SOX13: variants seen among roughly 807,000 people sequenced by gnomAD.
The protein encoded by SOX13 is transcription factor SOX-13.
In SOX13, 28 loss-of-function variants were observed where a neutral mutation model predicts 71.8. The ratio of observed to expected loss-of-function variants is 0.39; its 90% confidence interval spans 0.29 to 0.53. SOX13 has a LOEUF of 0.53. Ranked by LOEUF, SOX13 falls within the 20% of genes least tolerant of loss-of-function variation. The probability of loss-of-function intolerance (pLI) is 0.70; values close to 1 mark genes in which losing one functional copy is unlikely to be tolerated. For missense variants in SOX13, 627 were observed against 810.3 expected (o/e 0.77, Z 2.75); for synonymous variants, 309 against 317.8 (o/e 0.97, Z 0.29).
chr1:204,125,048 T>C (rs1279769688), intron 13 of SOX13, among the ~76,000 whole-genome samples, 191 bp downstream of exon 13: 1 of 152,148 alleles, frequency 6.6e-6, no homozygotes, highest in Admixed American at 6.5e-5. Context: ...GCTATGTATG[T>C]GACTGTGGTG....
intron 7 of SOX13, among the ~76,000 whole-genome samples, chr1:204,120,942 C>T: frequency 6.7e-6 from 1 of 150,234 alleles, no homozygotes; most frequent in Admixed American, 6.6e-5. Context: ...ACCCATTTTT[C>T]TTCTTATTTT....
chr1:204,091,258 C>T (rs1290055767), intron 1 of SOX13, among the ~76,000 whole-genome samples: 1 of 152,174 alleles, frequency 6.6e-6, no homozygotes, highest in Admixed American at 6.5e-5. Context: ...TCCTCGTCTG[C>T]CCTGACCCAT....
At chr1:204,088,535 G>T (rs574979131) in intron 1 of SOX13, among the ~76,000 whole-genome samples, 1 of 152,246 alleles carries the variant, frequency 6.6e-6, no homozygotes, top group African/African-American at 2.4e-5. Flanking sequence ...TTTTACTCTT[G>T]TTCTTTCCAG....
Position 204,122,221 on chromosome 1 carries a change from G to C in SOX13, c.862-16G>C. On this transcript the variant is annotated splice_polypyrimidine_tract_variant and intron_variant, in intron 8 of 13. Transcript: ENST00000367204. ...TTTGGTGTCTGTCATCCTCTGACCTGCTGGGTCTCCCTCAGGAGCCCTCCC... is the reference window on the plus strand; with the variant it reads ...TTTGGTGTCTGTCATCCTCTGACCTCCTGGGTCTCCCTCAGGAGCCCTCCC... 6.4e-7 allele frequency: 1 copy of C among 1,556,574 alleles called. No individual in the cohort carries two copies. Among genetic ancestry groups the C allele is most frequent in the Non-Finnish European group, 8.7e-7 (1 of 1,151,286 alleles).
intron 1 of SOX13, among the ~76,000 whole-genome samples, chr1:204,102,169 C>T (rs1656372762): frequency 6.6e-6 from 1 of 152,188 alleles, no homozygotes; most frequent in Non-Finnish European, 1.5e-5. Flanking sequence ...CGATAATGCC[C>T]AGCCCACCCC....
chr1:204,097,704 AAAAAG>A (rs1040078228), intron 1 of SOX13, among the ~76,000 whole-genome samples: 5 of 151,584 alleles, frequency 3.3e-5, no homozygotes, highest in Admixed American at 6.6e-5. Context: ...AAAAAAAAAA[AAAAAG>A]AAAAGAAAAG....
chr1:204,105,088 T>C (rs1656437843), intron 1 of SOX13, among the ~76,000 whole-genome samples: 2 of 152,084 alleles, frequency 1.3e-5, no homozygotes, highest in East Asian at 3.9e-4. Context: ...GGCTTTGTCA[T>C]ATAAGCGCCA....
rs2102267291 is a variant in SOX13 at position 204,123,934 on chromosome 1, A to T, written c.1375+130A>T. The T allele has an allele frequency of 9.2e-7, 1 of 1,081,178 alleles. No homozygotes were observed. The highest frequency in any genetic ancestry group is 2.6e-5 in the East Asian group (1 of 38,550). The allele number at this position is 1,081,178 out of a possible 1,614,324, so 67.0% of individuals were successfully genotyped here. A position where few individuals can be genotyped will look rare whatever the true frequency, so the allele number is the denominator to read the frequency against. ...CAGTGGAATCTGACGACAGGGGTGC[A>T]GGAGTTGCTGGGGATGTGAGGGCAG... On this transcript the variant is annotated intron_variant, in intron 12 of 13. Transcript: ENST00000367204. This position sits in a 1 kb window ranked among gnomAD's most constrained non-coding sequence, Gnocchi z 5.0.
rs1373786146 is a variant in SOX13 at position 204,095,179 on chromosome 1, C to T, written c.-1-17736C>T. Among the ~76,000 whole-genome samples the T allele has an allele frequency of 2.0e-5, 3 of 152,250 alleles. 1 individual carries two copies. Among genetic ancestry groups the T allele is most frequent in the South Asian group, 4.2e-4 (2 of 4,818 alleles). On this transcript the variant is annotated intron_variant, in intron 1 of 13. Coordinates refer to ENST00000367204, the MANE Select transcript of SOX13 (RefSeq NM_005686.3). ...GGGGCAGAGCTGTTCTGTAAACAGG[C>T]GTCAGTTCAGTTGCCTTGAAACCGC... is the stretch of plus-strand genomic sequence containing the variant.
chr1:204,116,796 T>A (rs1236339371), intron 5 of SOX13, 117 bp downstream of exon 5: 7 of 1,517,716 alleles, frequency 4.6e-6, no homozygotes, highest in Non-Finnish European at 6.2e-6. Context: ...GGGGGCAGGC[T>A]GGGCAGGGTC....
At position 204,081,769 on chromosome 1, in the gene SOX13, GAAC is replaced by G. The variant is rs1446764012; in HGVS notation, c.-2+8062_-2+8064del. Among the ~76,000 whole-genome samples, 1 of 151,992 alleles carries G rather than the reference GAAC, an allele frequency of 6.6e-6. No individual in the cohort carries two copies. Among genetic ancestry groups the G allele is most frequent in the Non-Finnish European group, 1.5e-5 (1 of 67,982 alleles). ...GGTATGAGGTCCCCCACCCTCATGC[GAAC>G]AACCTCTCCCCACCCTCCAGCCCTA... On this transcript the variant is annotated intron_variant, in intron 1 of 13. Coordinates refer to ENST00000367204, the MANE Select transcript of SOX13 (RefSeq NM_005686.3). This position sits in a 1 kb window ranked among gnomAD's most constrained non-coding sequence, Gnocchi z 4.3.
At chr1:204,083,774 G>C (rs983806011) in intron 1 of SOX13, among the ~76,000 whole-genome samples, 9 of 152,204 alleles carry the variant, frequency 5.9e-5, no homozygotes, top group African/African-American at 1.9e-4. Flanking sequence ...GCCACCCTGG[G>C]CTGGGGCTGA....
chr1:204,117,543 G>C, intron 6 of SOX13, 50 bp from the exon 7 acceptor site: 1 of 1,195,482 alleles, frequency 8.4e-7, no homozygotes, highest in Non-Finnish European at 1.2e-6. Flanking sequence ...ACCATAGCTG[G>C]GTAGCTCTTT....
rs1558224503 is a variant in SOX13, at chr1:204,126,182, C to T, written c.*48C>T. On this transcript the variant is annotated 3_prime_UTR_variant, in exon 14 of 14. Transcript: ENST00000367204. The stretch of plus-strand genomic sequence containing the variant: ...CCTTCTCCTCTGGGGAAGACCTTGT[C>T]CCAACTCGATGGGCACAGCCAGCCA... 2.5e-6 allele frequency: 4 copies of T among 1,584,860 alleles called. No homozygotes were observed. The highest frequency in any genetic ancestry group is 1.7e-6 in the Non-Finnish European group (2 of 1,160,818).
intron 1 of SOX13, among the ~76,000 whole-genome samples, chr1:204,089,405 G>A (rs1321915148): frequency 2.0e-5 from 3 of 152,280 alleles, no homozygotes; most frequent in Admixed American, 1.3e-4. Context: ...TCTCATGCCC[G>A]CCGGCCTCAG....
At chr1:204,113,231 T>G in intron 2 of SOX13, 97 bp downstream of exon 2, 1 of 1,020,354 alleles carries the variant, frequency 9.8e-7, no homozygotes, top group Non-Finnish European at 1.4e-6. Flanking sequence ...TGGCAGCAGA[T>G]ACAGGCAGAA....
Position 204,117,640 on chromosome 1 carries a change from C to T in SOX13, c.708C>T (p.His236=), listed in dbSNP as rs1656721811. The change falls in exon 7 of 14, where the codon CAC becomes CAT. Residue 236 remains histidine (H), a synonymous_variant. Transcript: ENST00000367204. ...YVMIPAFPPS[H]QPLPVTPDSQ... is the part of the protein sequence containing the mutation. ...TGATCCCAGCCTTCCCCCCAAGCCA[C>T]CAACCTCTGCCTGTCACCCCTGACT... The T allele has an allele frequency of 6.2e-7, 1 of 1,613,668 alleles. No homozygotes were observed. The highest frequency in any genetic ancestry group is 1.1e-5 in the South Asian group (1 of 90,944).
At chr1:204,124,486 G>T (rs1430568526) in intron 12 of SOX13, among the ~76,000 whole-genome samples, 155 bp from the exon 13 acceptor site, 1 of 152,252 alleles carries the variant, frequency 6.6e-6, no homozygotes, top group Non-Finnish European at 1.5e-5. Context: ...AATATCCAAG[G>T]AGCACCCGTA....
chr1:204,121,505 T>C lies in SOX13; in HGVS notation c.776-395T>C, dbSNP rs140288930. ...ATATATCACATACCATGTATTATTG[T>C]CAGATGATACATATGAGACGTTCTA... On this transcript the variant is annotated intron_variant, in intron 7 of 13. Transcript: ENST00000367204. 1.8e-4 allele frequency among the ~76,000 whole-genome samples: 28 copies of C among 152,296 alleles called. No homozygotes were observed. In the East Asian group the frequency reaches 5.2e-3, roughly 28 times the overall value.
Sources: allele counts gnomAD v4.1 joint callset (sites outside exome capture counted in the v4.1 genomes callset), GRCh38; gene constraint gnomAD v4.1.1; non-coding constraint Gnocchi (gnomAD v3.1); transcripts MANE v1.5; gene names NCBI Gene and HGNC (gene_info 2026-07-23, HGNC 2026-07-21).